CNTN5: variants seen among roughly 807,000 people sequenced by gnomAD.
CNTN5 encodes contactin-5.
In CNTN5, 77 loss-of-function variants were observed where a neutral mutation model predicts 129.1. The ratio of observed to expected loss-of-function variants is 0.60; its 90% CI spans 0.50 to 0.72. CNTN5 has a LOEUF of 0.72. Among genes scored for constraint, CNTN5 ranks in the 30% least tolerant of loss-of-function variants. CNTN5 has a pLI of 0.00. For missense variants in CNTN5, 1,478 were observed against 1,328.8 expected, an observed-to-expected ratio of 1.11 and a Z score of -1.75; for synonymous variants, 509 against 465.6, an observed-to-expected ratio of 1.09 and a Z score of -1.20.
At chr11:100,082,572 G>A (rs973716233) in intron 13 of CNTN5, among the ~76,000 whole-genome samples, 1 of 152,064 alleles carries the variant, frequency 6.6e-6, no homozygotes, top group Admixed American at 6.6e-5. Flanking sequence ...GATTATACGT[G>A]TGAGCCACTC....
At chr11:99,516,073 T>A (rs1947039354) in intron 2 of CNTN5, among the ~76,000 whole-genome samples, 1 of 151,920 alleles carries the variant, frequency 6.6e-6, no homozygotes, top group African/African-American at 2.4e-5. Context: ...TGTTATGAAT[T>A]GATCAATTGC....
intron 3 of CNTN5, among the ~76,000 whole-genome samples, chr11:99,625,373 A>G (rs1951090896): frequency 6.6e-6 from 1 of 152,196 alleles, no homozygotes; most frequent in Non-Finnish European, 1.5e-5. Context: ...TTGGAAAGTC[A>G]TGAGTCTAAA....
At chr11:99,736,963 A>T (rs1943730769) in intron 3 of CNTN5, among the ~76,000 whole-genome samples, 1 of 151,656 alleles carries the variant, frequency 6.6e-6, no homozygotes, top group African/African-American at 2.4e-5. Context: ...AGCCTGGGAA[A>T]TTAAGGAATT....
At chr11:99,429,212 T>G (rs1591040928) in intron 2 of CNTN5, among the ~76,000 whole-genome samples, 1 of 152,104 alleles carries the variant, frequency 6.6e-6, no homozygotes, top group Admixed American at 6.5e-5. Flanking sequence ...GCTTAAAGTT[T>G]TTTTTCTGAT....
chr11:99,905,049 A>G (rs1327986719), intron 6 of CNTN5, among the ~76,000 whole-genome samples: 1 of 152,122 alleles, frequency 6.6e-6, no homozygotes, highest in African/African-American at 2.4e-5. Context: ...TTGGCCCTTT[A>G]TCAGACAGAT....
At chr11:99,470,232 C>A (rs1402709826) in intron 2 of CNTN5, among the ~76,000 whole-genome samples, 1 of 152,102 alleles carries the variant, frequency 6.6e-6, no homozygotes, top group East Asian at 1.9e-4. Flanking sequence ...TTGCCAAATT[C>A]TTTTATTCCT....
chr11:99,578,501 A>G (rs2135599902), intron 3 of CNTN5, among the ~76,000 whole-genome samples: 1 of 150,370 alleles, frequency 6.7e-6, no homozygotes, highest in Non-Finnish European at 1.5e-5. Flanking sequence ...TTGTTTCCTG[A>G]CTTTTTAATG....
chr11:99,994,187 A>G (rs962849830), intron 8 of CNTN5, among the ~76,000 whole-genome samples: 1 of 152,086 alleles, frequency 6.6e-6, no homozygotes, highest in East Asian at 1.9e-4. Flanking sequence ...TCTTCTTTGC[A>G]ATTTATAAAT....
chr11:99,761,090 C>T (rs1219048), intron 3 of CNTN5, among the ~76,000 whole-genome samples: 71,735 of 151,822 alleles, frequency 0.47, 17,428 homozygotes, highest in Non-Finnish European at 0.54. Context: ...GTGAACGTTC[C>T]TGTATGACAA....
In CNTN5 at chr11:99,090,794, G is replaced by A. The variant is rs1392197775; in HGVS notation, c.-210+69524G>A. On this transcript the variant is annotated intron_variant, in intron 1 of 24. Coordinates refer to ENST00000524871, the MANE Select transcript of CNTN5 (RefSeq NM_014361.4). ...TCCCAGCACTTTGGGAGACCGAGGC[G>A]GGCGGATCACGAGGTCAGGAGATGG... 4.6e-5 allele frequency among the ~76,000 whole-genome samples: 7 copies of A among 150,930 alleles called. No individual in the cohort carries two copies. The East Asian group carries it at 1.2e-3, about 25-fold the overall frequency.
intron 3 of CNTN5, among the ~76,000 whole-genome samples, chr11:99,608,863 A>T (rs1431797616): frequency 6.6e-6 from 1 of 152,216 alleles, no homozygotes; most frequent in Non-Finnish European, 1.5e-5. Flanking sequence ...CTCAATAGTT[A>T]TGAATGTTCA....
chr11:100,102,665 C>T (rs926347904), intron 13 of CNTN5, among the ~76,000 whole-genome samples: 4 of 152,012 alleles, frequency 2.6e-5, no homozygotes, highest in South Asian at 4.2e-4. Flanking sequence ...TGATATGAAA[C>T]GTTTAAAAGA....
chr11:99,579,279 G>C (rs1949483313), intron 3 of CNTN5, among the ~76,000 whole-genome samples: 1 of 150,740 alleles, frequency 6.6e-6, no homozygotes, highest in Non-Finnish European at 1.5e-5. Flanking sequence ...CTCCAGCTTT[G>C]TTCTTTTGGC....
At chr11:99,845,414 C>T (rs546935543) in intron 6 of CNTN5, among the ~76,000 whole-genome samples, 152 bp downstream of exon 6, 108 of 133,594 alleles carry the variant, frequency 8.1e-4, no homozygotes, top group Non-Finnish European at 1.7e-4. Flanking sequence ...GCTCTGTCGC[C>T]CAGGCTGGAG....
At chr11:99,312,788 A>C (rs181629008) in intron 1 of CNTN5, among the ~76,000 whole-genome samples, 155 of 145,564 alleles carry the variant, frequency 1.1e-3, no homozygotes, top group African/African-American at 3.5e-3. Flanking sequence ...ATGAGAAGAA[A>C]AAAGGATTTA....
chr11:100,117,375 CTTG>C, intron 13 of CNTN5, among the ~76,000 whole-genome samples: 1 of 152,090 alleles, frequency 6.6e-6, no homozygotes, highest in Middle Eastern at 3.4e-3. Context: ...CCAACTGCCA[CTTG>C]TTATGCTTCT....
intron 1 of CNTN5, among the ~76,000 whole-genome samples, chr11:99,172,920 C>G (rs898175374): frequency 5.9e-5 from 9 of 152,140 alleles, no homozygotes; most frequent in African/African-American, 2.2e-4. Context: ...TAAAGATATA[C>G]CCGAGATTGG....
At chr11:99,445,387 C>T (rs543187072) in intron 2 of CNTN5, among the ~76,000 whole-genome samples, 54 of 152,200 alleles carry the variant, frequency 3.5e-4, no homozygotes, top group Admixed American at 9.2e-4. Context: ...TGCCTGAATA[C>T]ACAATACTTG....
intron 6 of CNTN5, among the ~76,000 whole-genome samples, chr11:99,879,130 G>A (rs1948708499): frequency 1.3e-5 from 2 of 151,860 alleles, no homozygotes; most frequent in Admixed American, 6.6e-5. Context: ...TAGAGATGGG[G>A]TTTCACCATG....
Sources: gnomAD v4.1 joint callset for allele counts (sites outside exome capture counted in the v4.1 genomes callset) on GRCh38, gnomAD v4.1.1 for gene constraint, MANE v1.5 for transcripts, NCBI Gene and HGNC (gene_info 2026-07-23, HGNC 2026-07-21) for gene names.